Variants in LYSMD1 observed in about 807,000 individuals in gnomAD.
The protein encoded by LYSMD1 is LysM domain containing 1.
In LYSMD1, 9 loss-of-function variants were observed where a neutral mutation model predicts 19.3. The ratio of observed to expected loss-of-function variants is 0.47; its 90% CI spans 0.28 to 0.81. The LOEUF (loss-of-function observed/expected upper bound fraction) is 0.81. Among genes scored for constraint, LYSMD1 ranks in the 40% least tolerant of loss-of-function variants. The pLI is 0.11. For missense variants in LYSMD1, 262 were observed against 279.8 expected (o/e 0.94, Z 0.45); for synonymous variants, 111 against 111.7 (o/e 0.99, Z 0.04).
downstream of LYSMD1, chr1:151,159,266 A>G: frequency 4.4e-6 from 7 of 1,598,040 alleles, no homozygotes; most frequent in Non-Finnish European, 6.0e-6. Flanking sequence ...CCCTGAGCCT[A>G]GCACATTCCA....
At chr1:151,161,312 A>G (rs1028816474) in intron 2 of LYSMD1, among the ~76,000 whole-genome samples, 1 of 152,130 alleles carries the variant, frequency 6.6e-6, no homozygotes, top group African/African-American at 2.4e-5. Context: ...CCTGGCTAAC[A>G]TGGTGAAACC....
Position 151,160,055 on chromosome 1 carries a change from A to G in LYSMD1, c.*827T>C, listed in dbSNP as rs1186737513. ...CAACTGGCTTCCTCTTCAAACCCCA[A>G]GGAAAGCCTTCTTCCATCTGTTCCC... On this transcript the variant is annotated 3_prime_UTR_variant, in exon 3 of 3. Transcript: ENST00000368908. 1 of 151,694 alleles carries G rather than the reference A, an allele frequency of 6.6e-6. No individual in the cohort carries two copies. Among genetic ancestry groups the G allele is most frequent in the Non-Finnish European group, 1.5e-5 (1 of 67,974 alleles). The allele number at this position is 151,694 out of a possible 1,614,324, so 9.4% of individuals were successfully genotyped here.
chr1:151,157,150 G>T (rs988839754), downstream of LYSMD1, among the ~76,000 whole-genome samples: 3 of 152,172 alleles, frequency 2.0e-5, no homozygotes, highest in African/African-American at 7.2e-5. Flanking sequence ...CTGGGTAACA[G>T]GAAGGCCAAG....
rs986077559 is a variant in LYSMD1 at position 151,160,496 on chromosome 1, C to A, written c.*386G>T. Reference sequence around the variant, plus strand: ...AATAAAATATAGCAAATAAATATTACTTCAATATTAGCACCAAATAAATTA... The same window carrying A: ...AATAAAATATAGCAAATAAATATTAATTCAATATTAGCACCAAATAAATTA... On this transcript the variant is annotated 3_prime_UTR_variant, in exon 3 of 3. Transcript: ENST00000368908. 8 of 155,666 alleles carry A rather than the reference C, an allele frequency of 5.1e-5. No homozygotes were observed. Among genetic ancestry groups the A allele is most frequent in the African/African-American group, 1.9e-4 (8 of 41,412 alleles). The allele number at this position is 155,666 out of a possible 1,614,324, so 9.6% of individuals were successfully genotyped here. A position where few individuals can be genotyped will look rare whatever the true frequency, so the allele number is the denominator to read the frequency against.
chr1:151,150,503 T>C, the LYSMD1 span, among the ~76,000 whole-genome samples: 6 of 152,256 alleles, frequency 3.9e-5, no homozygotes, highest in East Asian at 1.2e-3. Context: ...TTGCTCTCAT[T>C]AAGGCCACCA....
the LYSMD1 span, among the ~76,000 whole-genome samples, chr1:151,152,687 G>A: frequency 1.3e-5 from 2 of 152,134 alleles, no homozygotes; most frequent in African/African-American, 2.4e-5. Flanking sequence ...GCGACAGTGT[G>A]AGACTCGATC....
intron 2 of LYSMD1, among the ~76,000 whole-genome samples, chr1:151,161,453 C>T (rs1414034531): frequency 6.6e-6 from 1 of 151,382 alleles, no homozygotes; most frequent in Non-Finnish European, 1.5e-5. Context: ...GCCAAGATCG[C>T]GCCACTGCAC....
intron 2 of LYSMD1, among the ~76,000 whole-genome samples, chr1:151,161,496 CAA>C (rs11317772): frequency 2.9e-4 from 37 of 128,748 alleles, no homozygotes; most frequent in African/African-American, 3.0e-4. Flanking sequence ...GACCCCGTCT[CAA>C]AAAAAAAAAA....
At chr1:151,151,150 G>A in the LYSMD1 span, among the ~76,000 whole-genome samples, 5 of 151,962 alleles carry the variant, frequency 3.3e-5, no homozygotes, top group African/African-American at 7.2e-5. Context: ...AAGATAATCC[G>A]ACAATGAGAA....
chr1:151,151,955 GC>G, the LYSMD1 span, among the ~76,000 whole-genome samples: 1 of 150,804 alleles, frequency 6.6e-6, no homozygotes, highest in African/African-American at 2.4e-5. Context: ...AAGACAGGAA[GC>G]TTGTCTTTTA....
chr1:151,159,289 G>A (rs1351626815), downstream of LYSMD1: 2 of 1,572,042 alleles, frequency 1.3e-6, no homozygotes, highest in East Asian at 2.3e-5. Context: ...TTGACAAAAT[G>A]GTTGACTGAG....
rs752612746 is a variant in LYSMD1 at position 151,161,865 on chromosome 1, G to A, written c.416C>T (p.Pro139Leu). The A allele has an allele frequency of 2.5e-6, 4 of 1,613,962 alleles. No homozygotes were observed. Among genetic ancestry groups the A allele is most frequent in the Admixed American group, 3.3e-5 (2 of 59,968 alleles). The change falls in exon 2 of 3, where the codon CCC becomes CTC. Residue 139 changes from proline (P) to leucine (L), a missense_variant. Coordinates refer to ENST00000368908, the MANE Select transcript of LYSMD1 (RefSeq NM_212551.5). ...CGTGGGGGTTTCCTGGCCAGGTGTG[G>A]GGAGGACTTCACCATTGGCACGTCC... is the stretch of plus-strand genomic sequence containing the variant. Reference protein sequence around the residue: ...GAGRANGEVLPTPGQETPTPI... With the variant: ...GAGRANGEVLLTPGQETPTPI...
At chr1:151,149,137 T>C in the LYSMD1 span, among the ~76,000 whole-genome samples, 2 of 152,122 alleles carry the variant, frequency 1.3e-5, no homozygotes, top group Non-Finnish European at 2.9e-5. Flanking sequence ...ACCCCTGTAA[T>C]CCCAGCACTT....
the LYSMD1 span, among the ~76,000 whole-genome samples, chr1:151,151,494 C>T: frequency 0.12 from 17,829 of 151,372 alleles, 1,161 homozygotes; most frequent in Non-Finnish European, 0.15. Flanking sequence ...CCACTGCGCC[C>T]GGCCACAATA....
chr1:151,150,255 C>T, the LYSMD1 span, among the ~76,000 whole-genome samples: 1 of 152,194 alleles, frequency 6.6e-6, no homozygotes, highest in Non-Finnish European at 1.5e-5. Context: ...CATTCCCAGT[C>T]TTAACCTGTC....
At chr1:151,153,565 G>A in the LYSMD1 span, among the ~76,000 whole-genome samples, 1 of 152,028 alleles carries the variant, frequency 6.6e-6, no homozygotes, top group African/African-American at 2.4e-5. Flanking sequence ...TAAGGCAGGA[G>A]AATTGCTTGA....
downstream of LYSMD1, chr1:151,159,171 C>T (rs747168267): frequency 1.9e-6 from 3 of 1,614,194 alleles, no homozygotes; most frequent in South Asian, 1.1e-5. Context: ...TGCTCACGGC[C>T]CTCTATGGGC....
At chr1:151,150,839 A>T in the LYSMD1 span, among the ~76,000 whole-genome samples, 1 of 150,436 alleles carries the variant, frequency 6.6e-6, no homozygotes, top group Non-Finnish European at 1.5e-5. Flanking sequence ...TCCTGGGTTC[A>T]AGCGCTTCTC....
chr1:151,154,201 C>T, the LYSMD1 span, among the ~76,000 whole-genome samples: 14 of 152,208 alleles, frequency 9.2e-5, no homozygotes, highest in East Asian at 1.4e-3. Context: ...AAATTACAGA[C>T]GGGCGCTATG....
Sources: allele counts gnomAD v4.1 joint callset (sites outside exome capture counted in the v4.1 genomes callset), GRCh38; gene constraint gnomAD v4.1.1; transcripts MANE v1.5; gene names NCBI Gene and HGNC (gene_info 2026-07-23, HGNC 2026-07-21).